DMD: variants seen among roughly 807,000 people sequenced by gnomAD.
DMD encodes the protein dystrophin.
In DMD, 63 loss-of-function variants were observed where a neutral mutation model predicts 330.1. That is an observed-to-expected ratio of 0.19 (90% CI 0.16 to 0.24). The LOEUF is 0.24. Among genes scored for constraint, DMD ranks in the 10% least tolerant of loss-of-function variants. DMD has a pLI of 1.00. For missense variants in DMD, 3,344 were observed against 2,684.1 expected (o/e 1.25, Z -5.43); for synonymous variants, 1,223 against 959.8 (o/e 1.27, Z -5.07).
chrX:32,639,325 T>A (rs1012087545), intron 11 of DMD, among the ~76,000 whole-genome samples: 1 of 111,443 alleles, frequency 9.0e-6, no homozygotes, highest in Admixed American at 9.6e-5. Flanking sequence ...AAGTTGTGTG[T>A]TTTTCTTCCG....
At chrX:32,580,251 G>C (rs1183086178) in intron 13 of DMD, among the ~76,000 whole-genome samples, 1 of 111,453 alleles carries the variant, frequency 9.0e-6, no homozygotes, top group Non-Finnish European at 1.9e-5. Flanking sequence ...TACCTTTGAG[G>C]TTAATGTCTT....
chrX:32,026,649 C>T (rs1296071), intron 44 of DMD, among the ~76,000 whole-genome samples: 4,004 of 112,170 alleles, frequency 0.036, 68 homozygotes, highest in Non-Finnish European at 0.057. Context: ...TTCTTTCTCC[C>T]CTTTCAACGA....
At chrX:32,640,868 G>A (rs1452804385) in intron 11 of DMD, among the ~76,000 whole-genome samples, 1 of 110,679 alleles carries the variant, frequency 9.0e-6, no homozygotes, top group Non-Finnish European at 1.9e-5. Context: ...AGAATTCAAA[G>A]CCCTTATTCA....
At chrX:32,528,481 C>G (rs1032780132) in intron 17 of DMD, among the ~76,000 whole-genome samples, 6 of 111,381 alleles carry the variant, frequency 5.4e-5, no homozygotes, top group African/African-American at 2.0e-4. Flanking sequence ...CAAACTGGTC[C>G]TGAAGTAAAA....
intron 9 of DMD, among the ~76,000 whole-genome samples, chrX:32,672,715 C>A (rs910497462): frequency 3.6e-4 from 40 of 110,616 alleles, no homozygotes; most frequent in African/African-American, 1.3e-3. Flanking sequence ...AAAAAAAGTA[C>A]TTATTTTTCC....
intron 54 of DMD, among the ~76,000 whole-genome samples, chrX:31,642,902 C>T (rs1298561343): frequency 8.9e-6 from 1 of 112,072 alleles, no homozygotes; most frequent in Non-Finnish European, 1.9e-5. Context: ...TTCAGACAAT[C>T]GTTCTTCCGA....
At chrX:32,481,372 G>T (rs756413946) in intron 21 of DMD, among the ~76,000 whole-genome samples, 6 of 111,172 alleles carry the variant, frequency 5.4e-5, no homozygotes, top group Non-Finnish European at 1.1e-4. Context: ...GACTTGTATT[G>T]CATTTCTTCT....
chrX:32,301,234 A>AAAAG (rs1175818359), intron 42 of DMD, among the ~76,000 whole-genome samples: 1 of 108,222 alleles, frequency 9.2e-6, no homozygotes, highest in Non-Finnish European at 1.9e-5. Context: ...AAAAAAAAAA[A>AAAAG]AAAAGAAAGA....
chrX:31,980,307 G>A (rs1224881473), intron 44 of DMD, among the ~76,000 whole-genome samples: 1 of 111,593 alleles, frequency 9.0e-6, no homozygotes, highest in African/African-American at 3.3e-5. Flanking sequence ...CCATCAAAAG[G>A]AGAATAGATA....
chrX:31,134,701 G>A (rs1347208478), intron 76 of DMD, among the ~76,000 whole-genome samples: 4 of 112,209 alleles, frequency 3.6e-5, no homozygotes, highest in African/African-American at 6.5e-5. Context: ...GATTACAGGC[G>A]TGAGCCAACA....
At chrX:32,265,331 C>T (rs952567535) in intron 43 of DMD, among the ~76,000 whole-genome samples, 43 of 112,732 alleles carry the variant, frequency 3.8e-4, no homozygotes, top group African/African-American at 1.4e-3. Flanking sequence ...TGTGGGTACA[C>T]AGAAGTCAAG....
intron 4 of DMD, among the ~76,000 whole-genome samples, chrX:32,824,371 TAAAC>T (rs1382005943): frequency 8.9e-6 from 1 of 111,873 alleles, no homozygotes; most frequent in East Asian, 2.8e-4. Flanking sequence ...CAGGGGTAGA[TAAAC>T]AAACCATAGT....
At chrX:32,687,406 T>C (rs1037603496) in intron 9 of DMD, among the ~76,000 whole-genome samples, 3 of 111,569 alleles carry the variant, frequency 2.7e-5, no homozygotes, top group African/African-American at 6.5e-5. Flanking sequence ...CCATCAAGAG[T>C]TGGGTTTATG....
rs2077301865 is a variant in DMD, at chrX:31,600,523, T to TTG, written c.8217+27149_8217+27150insCA. Among the ~76,000 whole-genome samples the TTG allele has an allele frequency of 4.9e-5, 5 of 102,252 alleles. No individual in the cohort carries two copies. In the Admixed American group the frequency reaches 5.3e-4, roughly 11 times the overall value. The allele number at this position is 102,252 out of a possible 115,157, so 88.8% of individuals were successfully genotyped here. A position where few individuals can be genotyped will look rare whatever the true frequency, so the allele number is the denominator to read the frequency against. On this transcript the variant is annotated intron_variant, in intron 55 of 78. Transcript: ENST00000357033. ...ATGCCAACTATGGTTTTTTTTTTTT[T>TTG]TTTTTTTTTTTGGTATCCCTCCAGA...
intron 2 of DMD, among the ~76,000 whole-genome samples, chrX:32,968,677 G>A (rs1245543746): frequency 1.8e-5 from 2 of 110,194 alleles, no homozygotes; most frequent in South Asian, 7.8e-4. Flanking sequence ...GGGGCTTTTT[G>A]GGAGGTGATT....
intron 41 of DMD, among the ~76,000 whole-genome samples, chrX:32,320,522 T>C (rs750685131): frequency 9.0e-6 from 1 of 111,663 alleles, no homozygotes; most frequent in African/African-American, 3.2e-5. Context: ...ATATAGAACA[T>C]TGCCATCATC....
chrX:32,764,248 C>CCAAA lies in DMD; in HGVS notation c.649+45241_649+45244dup, dbSNP rs1385059082. Among the ~76,000 whole-genome samples the CCAAA allele has an allele frequency of 6.3e-5, 7 of 111,075 alleles. 1 individual carries two copies. Among genetic ancestry groups the CCAAA allele is most frequent in the Admixed American group, 5.7e-4 (6 of 10,445 alleles). On this transcript the variant is annotated intron_variant, in intron 7 of 78. Transcript: ENST00000357033. ...ACTCAATCATCCAACACTTATGAAT[C>CCAAA]CAAACATTTTCTAAAACTTTACAAG... is the stretch of plus-strand genomic sequence containing the variant.
At chrX:31,415,828 G>T (rs1463254987) in intron 60 of DMD, among the ~76,000 whole-genome samples, 1 of 110,833 alleles carries the variant, frequency 9.0e-6, no homozygotes, top group East Asian at 2.8e-4. Flanking sequence ...CACCCCCAGA[G>T]ATTGAATTGG....
chrX:32,638,571 C>T (rs930707418), intron 11 of DMD, among the ~76,000 whole-genome samples: 5 of 111,703 alleles, frequency 4.5e-5, no homozygotes, highest in African/African-American at 1.6e-4. Flanking sequence ...TCCTACACCA[C>T]CTTGATCTGC....
Sources: gnomAD v4.1 joint callset for allele counts (sites outside exome capture counted in the v4.1 genomes callset) on GRCh38, gnomAD v4.1.1 for gene constraint, MANE v1.5 for transcripts, NCBI Gene and HGNC (gene_info 2026-07-23, HGNC 2026-07-21) for gene names.